IFT172: variants seen among roughly 807,000 people sequenced by gnomAD.
IFT172 encodes the protein intraflagellar transport protein 172 homolog.
A neutral mutation model predicts 248.9 loss-of-function variants in IFT172; 164 were observed. The ratio of observed to expected loss-of-function variants is 0.66; its 90% CI spans 0.58 to 0.75. The LOEUF (loss-of-function observed/expected upper bound fraction) is 0.75, where lower values mean the gene tolerates loss of function less well. IFT172 is among the 30% of genes least tolerant of loss of function. The probability of loss-of-function intolerance (pLI) is 0.00; values close to 1 mark genes in which losing one functional copy is unlikely to be tolerated. For synonymous variants in IFT172, 729 were observed against 791.6 expected, an observed-to-expected ratio of 0.92 and a Z score of 1.33; for missense variants, 1,950 against 2,192.4, an observed-to-expected ratio of 0.89 and a Z score of 2.21.
intron 35 of IFT172, among the ~76,000 whole-genome samples, chr2:27,450,969 T>C (rs1665623436): frequency 6.9e-6 from 1 of 145,428 alleles, no homozygotes; most frequent in Non-Finnish European, 1.5e-5. Flanking sequence ...TTTTTTTTAC[T>C]CTTTTTAAAT....
chr2:27,468,083 C>T (rs1667247967), intron 16 of IFT172, among the ~76,000 whole-genome samples: 1 of 151,496 alleles, frequency 6.6e-6, no homozygotes. Context: ...TTGCTTAAAC[C>T]CGGGAGGAAG....
intron 29 of IFT172, 141 bp from the exon 30 acceptor site, chr2:27,456,794 C>G: frequency 7.9e-7 from 1 of 1,264,972 alleles, no homozygotes; most frequent in Non-Finnish European, 1.1e-6. Context: ...CCTATAATCC[C>G]AGCATTTTGG....
rs573607561 is a variant in IFT172, at chr2:27,471,945, G to C, written c.1524+305C>G. ...CCCAGCTACTGGGGAGGCTGAGGCA[G>C]GAGAATCACTTGAACCCGGGAGGCA... On this transcript the variant is annotated intron_variant, in intron 15 of 47. Transcript: ENST00000260570. The C allele has an allele frequency of 1.4e-4, 63 of 459,498 alleles. No individual in the cohort carries two copies. The South Asian group carries it at 2.9e-3, about 21-fold the overall frequency. The allele number at this position is 459,498 out of a possible 1,614,324, so 28.5% of individuals were successfully genotyped here. A position where few individuals can be genotyped will look rare whatever the true frequency, so the allele number is the denominator to read the frequency against.
chr2:27,476,365 G>A (rs1190843492), intron 14 of IFT172, among the ~76,000 whole-genome samples: 1 of 152,050 alleles, frequency 6.6e-6, no homozygotes, highest in East Asian at 1.9e-4. Flanking sequence ...TGGACTACTG[G>A]GCTCAAATGA....
chr2:27,459,168 A>C (rs1386928755), intron 25 of IFT172: 1 of 641,262 alleles, frequency 1.6e-6, no homozygotes, highest in Non-Finnish European at 2.6e-6. Context: ...CTAGAGACTC[A>C]CTTTATATAT....
intron 42 of IFT172, among the ~76,000 whole-genome samples, chr2:27,447,087 C>T (rs1023765144): frequency 1.3e-5 from 2 of 152,318 alleles, no homozygotes; most frequent in Admixed American, 6.5e-5. Context: ...AAGTGATCCA[C>T]CCGCCTCGGC....
intron 25 of IFT172, 168 bp from the exon 26 acceptor site, chr2:27,459,036 A>T (rs571831872): frequency 1.4e-6 from 1 of 729,088 alleles, no homozygotes; most frequent in South Asian, 2.1e-5. Flanking sequence ...TACCATTTAA[A>T]AAGAAAGACC....
chr2:27,462,374 G>C (rs1192294430), intron 20 of IFT172, among the ~76,000 whole-genome samples: 1 of 152,016 alleles, frequency 6.6e-6, no homozygotes, highest in African/African-American at 2.4e-5. Flanking sequence ...AATTGTATAA[G>C]CTTCCGGCCC....
chr2:27,458,534 T>C (rs1666366434), intron 26 of IFT172, among the ~76,000 whole-genome samples: 1 of 152,144 alleles, frequency 6.6e-6, no homozygotes, highest in Non-Finnish European at 1.5e-5. Context: ...TTAGGAGTGG[T>C]AGTTCAGATT....
chr2:27,458,932 G>C, intron 25 of IFT172, 64 bp from the exon 26 acceptor site: 2 of 1,567,120 alleles, frequency 1.3e-6, no homozygotes, highest in Admixed American at 1.8e-5. Context: ...CTTGAATGAG[G>C]AAAGAACAAA....
At position 27,445,840 on chromosome 2, in the gene IFT172, T is replaced by C; in HGVS notation, c.4819A>G (p.Ile1607Val). ...AGGCCATCTAGAGTCCCTTCCTCGA[T>C]TGCCTGCAGTAGAGTGGGCAACCAT... ...LNRFLDLTDA[I>V]EEGTLDGLDH... Residue 1607 changes from isoleucine to valine, a missense_variant, in exon 45 of 48, where the codon ATC becomes GTC. Around this residue, in one of 3 missense-constraint regions of IFT172, gnomAD observed 620 missense variants for 699.0 expected, o/e 0.89. Transcript: ENST00000260570. This position sits in a 1 kb window ranked among gnomAD's most constrained non-coding sequence, Gnocchi z 4.4. 3 of 1,614,142 alleles carry C rather than the reference T, an allele frequency of 1.9e-6. No homozygotes were observed. The highest frequency in any genetic ancestry group is 2.5e-6 in the Non-Finnish European group (3 of 1,180,034).
chr2:27,449,862 T>C (rs931866603), intron 36 of IFT172, 62 bp from the exon 37 acceptor site: 26 of 1,450,730 alleles, frequency 1.8e-5, no homozygotes, highest in Non-Finnish European at 2.3e-5. Context: ...CACTGTGAGC[T>C]CTCCCATCTG....
rs753315911 is a variant in IFT172, at chr2:27,459,408, G to A, written c.2757C>T (p.Ala919=). ...NTASKYYPLV[A]QHYASLQEYE... Reference sequence around the variant, plus strand: ...ACTCCTGCAGGGATGCATAGTGTTGGGCCACGAGAGGATAGTATTTGGATG... The same window carrying A: ...ACTCCTGCAGGGATGCATAGTGTTGAGCCACGAGAGGATAGTATTTGGATG... The change falls in exon 25 of 48, where the codon GCC becomes GCT. Residue 919 remains alanine, a synonymous_variant. Coordinates refer to ENST00000260570, the MANE Select transcript of IFT172 (RefSeq NM_015662.3). 1.9e-6 allele frequency: 3 copies of A among 1,614,116 alleles called. 1 individual carries two copies. In the Middle Eastern group the frequency reaches 4.9e-4, roughly 266 times the overall value.
chr2:27,446,150 C>T lies in IFT172; in HGVS notation c.4755+110G>A, dbSNP rs114253314. ...GAAGACATAGGAGGACTACATCCTCCGTAACATCAGCCCTACACTCAGCTT... is the reference window on the plus strand; with the variant it reads ...GAAGACATAGGAGGACTACATCCTCTGTAACATCAGCCCTACACTCAGCTT... On this transcript the variant is annotated intron_variant, in intron 43 of 47. Coordinates refer to ENST00000260570, the MANE Select transcript of IFT172 (RefSeq NM_015662.3). 6.0e-4 allele frequency: 800 copies of T among 1,326,372 alleles called. 5 individuals carry two copies. In the African/African-American group the frequency reaches 8.6e-3, roughly 14 times the overall value. The allele number at this position is 1,326,372 out of a possible 1,614,324, so 82.2% of individuals were successfully genotyped here.
chr2:27,483,483 T>C lies in IFT172; in HGVS notation c.482+97A>G. The C allele has an allele frequency of 4.2e-6, 6 of 1,445,260 alleles. No individual in the cohort carries two copies. The South Asian group carries it at 6.9e-5, about 17-fold the overall frequency. 89.5% of individuals were successfully genotyped at this position (1,445,260 alleles called of 1,614,324 possible). On this transcript the variant is annotated intron_variant, in intron 6 of 47. Transcript: ENST00000260570. ...CTTGTCTGTGCTTCCTGCTACCAGTTCTCCTGCCTTTCATACTATGGTCTT... is the reference window on the plus strand; with the variant it reads ...CTTGTCTGTGCTTCCTGCTACCAGTCCTCCTGCCTTTCATACTATGGTCTT...
intron 14 of IFT172, among the ~76,000 whole-genome samples, chr2:27,476,160 G>A (rs910812806): frequency 6.6e-6 from 1 of 152,128 alleles, no homozygotes; most frequent in Non-Finnish European, 1.5e-5. Context: ...TCTATGAAGT[G>A]AAAACAGGAA....
At chr2:27,467,742 G>A (rs1039108916) in intron 16 of IFT172, among the ~76,000 whole-genome samples, 2 of 151,876 alleles carry the variant, frequency 1.3e-5, no homozygotes, top group Admixed American at 6.6e-5. Flanking sequence ...GAGTTCTGAA[G>A]AGACTAGAGA....
In IFT172 at chr2:27,454,636, G is replaced by C; in HGVS notation, c.3396C>G (p.Leu1132=). The C allele has an allele frequency of 1.2e-6, 2 of 1,614,106 alleles. No homozygotes were observed. Among genetic ancestry groups the C allele is most frequent in the South Asian group, 2.2e-5 (2 of 91,076 alleles). The part of the protein sequence containing the change: ...DNCSFEFAFE[L]SRLALKHKTP... ...TTTTGTGCTTGAGGGCCAGCCGAGA[G>C]AGTTCAAACGCAAATTCAAAGGAGC... The change falls in exon 31 of 48, where the codon CTC becomes CTG. Residue 1132 remains leucine, a synonymous_variant. Coordinates refer to ENST00000260570, the MANE Select transcript of IFT172 (RefSeq NM_015662.3). This position sits in a 1 kb window ranked among gnomAD's most constrained non-coding sequence, Gnocchi z 4.2.
chr2:27,449,861 C>A, intron 36 of IFT172, 61 bp from the exon 37 acceptor site: 1 of 1,455,372 alleles, frequency 6.9e-7, no homozygotes, highest in Non-Finnish European at 9.5e-7. Flanking sequence ...CCACTGTGAG[C>A]TCTCCCATCT....
Sources: allele counts gnomAD v4.1 joint callset (sites outside exome capture counted in the v4.1 genomes callset), GRCh38; gene constraint gnomAD v4.1.1; regional missense constraint gnomAD v4.1.1; non-coding constraint Gnocchi (gnomAD v3.1); transcripts MANE v1.5; gene names NCBI Gene and HGNC (gene_info 2026-07-23, HGNC 2026-07-21).